The following DIRAS2 variants were observed in gnomAD, a reference collection of about 807,000 sequenced individuals.
DIRAS2 encodes GTP-binding protein Di-Ras2.
DIRAS2 carries 5 observed loss-of-function variants against 13.9 expected under a neutral mutation model. That is an observed-to-expected ratio of 0.36 (90% CI 0.19 to 0.76). The LOEUF (loss-of-function observed/expected upper bound fraction) is 0.76, where lower values mean the gene tolerates loss of function less well. Ranked by LOEUF, DIRAS2 falls within the 30% of genes least tolerant of loss-of-function variation. DIRAS2 has a pLI of 0.53. For missense variants in DIRAS2, 191 were observed against 263.0 expected, an observed-to-expected ratio of 0.73 and a Z score of 1.89; for synonymous variants, 111 against 105.4, an observed-to-expected ratio of 1.05 and a Z score of -0.33.
At chr9:90,626,955 T>A (rs535892775) in intron 1 of DIRAS2, among the ~76,000 whole-genome samples, 3 of 152,336 alleles carry the variant, frequency 2.0e-5, no homozygotes, top group Admixed American at 2.0e-4. Context: ...TGTTGAATTG[T>A]AAGCCCCAAT....
chr9:90,616,538 G>A (rs1264635998), intron 1 of DIRAS2, among the ~76,000 whole-genome samples: 2 of 152,084 alleles, frequency 1.3e-5, no homozygotes, highest in Admixed American at 6.5e-5. Flanking sequence ...AGATGAACAG[G>A]AGTCAGAAAG....
Position 90,610,342 on chromosome 9 carries a change from T to C in DIRAS2, c.*2886A>G. 1 of 398,926 alleles carries C rather than the reference T, an allele frequency of 2.5e-6. No homozygotes were observed. Among genetic ancestry groups the C allele is most frequent in the East Asian group, 3.6e-5 (1 of 28,080 alleles). The allele number at this position is 398,926 out of a possible 1,614,324, so 24.7% of individuals were successfully genotyped here. ...AGGAAGATAAATTATATATTTTATATACATGTAATTTTAGATAGAATGAAC... is the reference window on the plus strand; with the variant it reads ...AGGAAGATAAATTATATATTTTATACACATGTAATTTTAGATAGAATGAAC... On this transcript the variant is annotated 3_prime_UTR_variant, in exon 2 of 2. Transcript: ENST00000375765.
At position 90,613,165 on chromosome 9, in the gene DIRAS2, G is replaced by T; in HGVS notation, c.*63C>A. The T allele has an allele frequency of 6.4e-7, 1 of 1,563,172 alleles. No individual in the cohort carries two copies. Among genetic ancestry groups the T allele is most frequent in the Non-Finnish European group, 8.7e-7 (1 of 1,156,060 alleles). On this transcript the variant is annotated 3_prime_UTR_variant, in exon 2 of 2. Coordinates refer to ENST00000375765, the MANE Select transcript of DIRAS2 (RefSeq NM_017594.5). This position sits in a 1 kb window ranked among gnomAD's most constrained non-coding sequence, Gnocchi z 5.6. ...TATACATGCTACCCTGACGACGGTG[G>T]GTGTCATTTTGGGGGAGTGAGGTGC... is the stretch of plus-strand genomic sequence containing the variant.
At chr9:90,639,594 C>G (rs1401949886) in intron 1 of DIRAS2, among the ~76,000 whole-genome samples, 2 of 152,168 alleles carry the variant, frequency 1.3e-5, no homozygotes, top group African/African-American at 4.8e-5. Context: ...GGCAGTACTT[C>G]TTGGGATAGA....
chr9:90,628,432 A>T (rs1351058305), intron 1 of DIRAS2, among the ~76,000 whole-genome samples: 2 of 152,178 alleles, frequency 1.3e-5, no homozygotes, highest in African/African-American at 4.8e-5. Context: ...GCCATTTCAG[A>T]CTGGGGAGAC....
intron 1 of DIRAS2, among the ~76,000 whole-genome samples, chr9:90,641,597 A>T (rs1180554040): frequency 1.3e-5 from 2 of 152,178 alleles, no homozygotes; most frequent in African/African-American, 2.4e-5. Context: ...AGAAGAAAAA[A>T]AAGTATGATT....
At chr9:90,622,836 G>A (rs532254773) in intron 1 of DIRAS2, among the ~76,000 whole-genome samples, 11 of 152,230 alleles carry the variant, frequency 7.2e-5, no homozygotes, top group Admixed American at 7.2e-4. Context: ...TGCTTTTTGA[G>A]GGCTGGGCGG....
chr9:90,615,538 A>T (rs1017258960), intron 1 of DIRAS2, among the ~76,000 whole-genome samples: 5 of 152,298 alleles, frequency 3.3e-5, no homozygotes, highest in South Asian at 2.1e-4. Flanking sequence ...CAATTTTTTT[A>T]AAAAAACTCA....
chr9:90,637,379 G>A (rs1321437521), intron 1 of DIRAS2, among the ~76,000 whole-genome samples: 1 of 152,120 alleles, frequency 6.6e-6, no homozygotes, highest in African/African-American at 2.4e-5. Flanking sequence ...AATATTTCAT[G>A]TTTCTGAGCC....
chr9:90,616,017 G>A (rs748258446), intron 1 of DIRAS2, among the ~76,000 whole-genome samples: 1 of 152,152 alleles, frequency 6.6e-6, no homozygotes, highest in Non-Finnish European at 1.5e-5. Flanking sequence ...TTGTATTATG[G>A]TTATGTAGCT....
At chr9:90,633,715 C>T (rs1388843310) in intron 1 of DIRAS2, among the ~76,000 whole-genome samples, 2 of 152,154 alleles carry the variant, frequency 1.3e-5, no homozygotes, top group Non-Finnish European at 2.9e-5. Context: ...TGTGAAATGG[C>T]ACTAAGAAGT....
At chr9:90,637,835 G>A (rs566721147) in intron 1 of DIRAS2, among the ~76,000 whole-genome samples, 24 of 152,286 alleles carry the variant, frequency 1.6e-4, no homozygotes, top group Middle Eastern at 6.8e-3. Flanking sequence ...CCTGTTCCCC[G>A]TTGAGTCAGA....
At chr9:90,626,890 G>A (rs1371915012) in intron 1 of DIRAS2, among the ~76,000 whole-genome samples, 1 of 152,168 alleles carries the variant, frequency 6.6e-6, no homozygotes, top group African/African-American at 2.4e-5. Flanking sequence ...TAAACAAAAT[G>A]CAGTATACAT....
intron 1 of DIRAS2, among the ~76,000 whole-genome samples, chr9:90,630,032 T>C (rs1825309541): frequency 6.6e-6 from 1 of 152,240 alleles, no homozygotes; most frequent in African/African-American, 2.4e-5. Flanking sequence ...GATACATATA[T>C]TCTTCTTTCA....
chr9:90,616,024 A>G (rs918680946), intron 1 of DIRAS2, among the ~76,000 whole-genome samples: 3 of 152,224 alleles, frequency 2.0e-5, no homozygotes, highest in Non-Finnish European at 1.5e-5. Context: ...ATGGTTATGT[A>G]GCTCCAGACT....
At chr9:90,626,608 G>C (rs1240449095) in intron 1 of DIRAS2, among the ~76,000 whole-genome samples, 1 of 152,160 alleles carries the variant, frequency 6.6e-6, no homozygotes, top group Non-Finnish European at 1.5e-5. Context: ...TAGAATGGCT[G>C]TTTTTAAAAA....
At chr9:90,641,698 A>G (rs963421985) in intron 1 of DIRAS2, among the ~76,000 whole-genome samples, 1 of 152,124 alleles carries the variant, frequency 6.6e-6, no homozygotes, top group Non-Finnish European at 1.5e-5. Flanking sequence ...GTCACTGGAA[A>G]TGGAGCACAT....
intron 1 of DIRAS2, among the ~76,000 whole-genome samples, chr9:90,627,610 G>T (rs1237364166): frequency 6.6e-6 from 1 of 152,134 alleles, no homozygotes; most frequent in East Asian, 1.9e-4. Flanking sequence ...GGTGGTGATG[G>T]TTGCATAACA....
intron 1 of DIRAS2, among the ~76,000 whole-genome samples, chr9:90,620,139 C>T (rs78162650): frequency 0.017 from 2,596 of 152,158 alleles, 79 homozygotes; most frequent in African/African-American, 0.06. Context: ...TAAAACCCTG[C>T]GAATGTACTA....
Sources: allele counts gnomAD v4.1 joint callset (sites outside exome capture counted in the v4.1 genomes callset), GRCh38; gene constraint gnomAD v4.1.1; non-coding constraint Gnocchi (gnomAD v3.1); transcripts MANE v1.5; gene names NCBI Gene and HGNC (gene_info 2026-07-23, HGNC 2026-07-21).